The following FBXO24 variants were observed in gnomAD, a reference collection of about 807,000 sequenced individuals.
FBXO24 encodes the protein F-box only protein 24.
In FBXO24, 30 loss-of-function variants were observed where a neutral mutation model predicts 63.5. The ratio of observed to expected loss-of-function variants is 0.47; its 90% CI spans 0.35 to 0.64. The LOEUF is 0.64. Among genes scored for constraint, FBXO24 ranks in the 30% least tolerant of loss-of-function variants. The pLI is 0.00. For synonymous variants in FBXO24, 300 were observed against 305.0 expected, an observed-to-expected ratio of 0.98 and a Z score of 0.17; for missense variants, 624 against 763.4, an observed-to-expected ratio of 0.82 and a Z score of 2.15.
intron 4 of FBXO24, 164 bp downstream of exon 4, chr7:100,592,066 G>T: frequency 1.5e-6 from 1 of 651,744 alleles, no homozygotes; most frequent in Non-Finnish European, 2.6e-6. Context: ...TTCGAGACCA[G>T]CCTGGCCAAA....
rs368341067 is a variant in FBXO24, at chr7:100,600,237, G to A, written c.1377+36G>A. On this transcript the variant is annotated intron_variant, in intron 9 of 9. Coordinates refer to ENST00000241071, the MANE Select transcript of FBXO24 (RefSeq NM_033506.3). The surrounding 1 kb of genome is among the most constrained non-coding windows in gnomAD (Gnocchi z 6.3). Reference sequence around the variant, plus strand: ...GGTCAGGAGAGTGGGCACCCAGGGAGGATGAGAGCCATGAACCAGGAAGCC... The same window carrying A: ...GGTCAGGAGAGTGGGCACCCAGGGAAGATGAGAGCCATGAACCAGGAAGCC... 2.9e-5 allele frequency: 43 copies of A among 1,482,676 alleles called. No homozygotes were observed. The East Asian group carries it at 5.4e-4, about 19-fold the overall frequency. 91.8% of individuals were successfully genotyped at this position (1,482,676 alleles called of 1,614,324 possible).
intron 1 of FBXO24, among the ~76,000 whole-genome samples, chr7:100,588,907 C>T (rs947792976): frequency 1.3e-5 from 2 of 152,116 alleles, no homozygotes; most frequent in African/African-American, 4.8e-5. Context: ...CTCACTGCTG[C>T]CTCAAACTGG....
intron 1 of FBXO24, chr7:100,589,307 G>A (rs1297886206): frequency 1.1e-6 from 1 of 872,736 alleles, no homozygotes; most frequent in Non-Finnish European, 1.4e-6. Flanking sequence ...CTGCTGAAAT[G>A]TGAGGAATTC....
At chr7:100,595,055 G>A (rs1286195328) in intron 6 of FBXO24, 47 bp from the exon 7 acceptor site, 2 of 1,609,828 alleles carry the variant, frequency 1.2e-6, no homozygotes, top group Non-Finnish European at 1.7e-6. Flanking sequence ...TTATCCCTAG[G>A]AAATGGGTGC....
At chr7:100,589,490 C>T in intron 1 of FBXO24, 2 of 1,298,702 alleles carry the variant, frequency 1.5e-6, no homozygotes, top group Non-Finnish European at 2.0e-6. Flanking sequence ...CAGGAGCTGT[C>T]TAAGAGATGG....
At position 100,586,670 on chromosome 7, in the gene FBXO24, C is replaced by T. The variant is rs781682730; in HGVS notation, c.39+6C>T. 32 of 1,614,054 alleles carry T rather than the reference C, an allele frequency of 2.0e-5. No individual in the cohort carries two copies. Among genetic ancestry groups the T allele is most frequent in the Non-Finnish European group, 2.5e-5 (30 of 1,180,028 alleles). Reference sequence around the variant, plus strand: ...CTTTGCTAAGGAGGAGGCGGGTGAGCTAGAACTTTAAGACTGAGGTTAAGA... The same window carrying T: ...CTTTGCTAAGGAGGAGGCGGGTGAGTTAGAACTTTAAGACTGAGGTTAAGA... On this transcript the variant is annotated splice_donor_region_variant and intron_variant, in intron 1 of 9. Coordinates refer to ENST00000241071, the MANE Select transcript of FBXO24 (RefSeq NM_033506.3).
At chr7:100,588,479 A>AC (rs1584418446) in intron 1 of FBXO24, among the ~76,000 whole-genome samples, 1 of 152,134 alleles carries the variant, frequency 6.6e-6, no homozygotes, top group African/African-American at 2.4e-5. Context: ...TAGGCACCAT[A>AC]CATAAGGGAA....
rs553045415 is a variant in FBXO24, at chr7:100,588,209, C to T, written c.39+1545C>T. Among the ~76,000 whole-genome samples, 9 of 152,328 alleles carry T rather than the reference C, an allele frequency of 5.9e-5. No homozygotes were observed. The East Asian group carries it at 1.3e-3, about 23-fold the overall frequency. ...TGGACTTTTTCTATTCACAACCTCT[C>T]GTTTGCCTCCTGGGGTGAAATGGAG... On this transcript the variant is annotated intron_variant, in intron 1 of 9. Transcript: ENST00000241071.
chr7:100,598,729 C>T (rs1278012420), intron 8 of FBXO24, among the ~76,000 whole-genome samples: 3 of 152,190 alleles, frequency 2.0e-5, no homozygotes, highest in Admixed American at 1.3e-4. Flanking sequence ...GTAATCCTAG[C>T]ACTTTGGGAG....
intron 3 of FBXO24, 21 bp downstream of exon 3, chr7:100,590,378 C>T: frequency 1.3e-6 from 2 of 1,588,966 alleles, no homozygotes; most frequent in Non-Finnish European, 1.7e-6. Context: ...CCCAGAACCT[C>T]CCGTTCTCCT....
intron 8 of FBXO24, among the ~76,000 whole-genome samples, chr7:100,598,002 GGTGT>G (rs1396714748): frequency 1.3e-5 from 2 of 150,964 alleles, no homozygotes; most frequent in Non-Finnish European, 2.9e-5. Flanking sequence ...TGGGATTACA[GGTGT>G]GAGCCACCAC....
Position 100,600,883 on chromosome 7 carries a change from C to T in FBXO24, c.1727C>T (p.Pro576Leu), listed in dbSNP as rs141345308. The change falls in exon 10 of 10, where the codon CCA (proline) becomes CTA (leucine). Residue 576 changes from proline (P) to leucine (L), a missense_variant. Pro to Leu is a moderately conservative substitution (Grantham distance 98). Coordinates refer to ENST00000241071, the MANE Select transcript of FBXO24 (RefSeq NM_033506.3). This position sits in a 1 kb window ranked among gnomAD's most constrained non-coding sequence, Gnocchi z 6.3. The part of the protein sequence containing the change: ...AEGGGGGVGP[P>L]APET ...GGAGGCGGGGGTGGTGTAGGGCCCC[C>T]AGCCCCTGAGACCTAATCCCCCTCA... 1 of 1,612,906 alleles carries T rather than the reference C, an allele frequency of 6.2e-7. No homozygotes were observed. Among genetic ancestry groups the T allele is most frequent in the African/African-American group, 1.3e-5 (1 of 74,900 alleles).
intron 1 of FBXO24, 38 bp from the exon 2 acceptor site, chr7:100,589,939 G>T: frequency 1.9e-6 from 3 of 1,590,052 alleles, no homozygotes; most frequent in Non-Finnish European, 2.6e-6. Flanking sequence ...AAAGGATGTG[G>T]GACCCTCATG....
chr7:100,588,701 A>G (rs1186801120), intron 1 of FBXO24, among the ~76,000 whole-genome samples: 1 of 152,186 alleles, frequency 6.6e-6, no homozygotes, highest in African/African-American at 2.4e-5. Flanking sequence ...GACAAAGCTA[A>G]TATCAGAGAC....
In FBXO24 at chr7:100,600,497, A is replaced by G; in HGVS notation, c.1378-37A>G. On this transcript the variant is annotated intron_variant, in intron 9 of 9. Coordinates refer to ENST00000241071, the MANE Select transcript of FBXO24 (RefSeq NM_033506.3). The surrounding 1 kb of genome is among the most constrained non-coding windows in gnomAD (Gnocchi z 6.3). Reference sequence around the variant, plus strand: ...CCCTGGGAAACCCTGCAAGGAAAGCACCACTCAGCCATGCCCCCTTTCTCT... The same window carrying G: ...CCCTGGGAAACCCTGCAAGGAAAGCGCCACTCAGCCATGCCCCCTTTCTCT... The G allele has an allele frequency of 1.3e-6, 2 of 1,523,172 alleles. No individual in the cohort carries two copies. The highest frequency in any genetic ancestry group is 1.8e-6 in the Non-Finnish European group (2 of 1,136,900). The allele number at this position is 1,523,172 out of a possible 1,614,324, so 94.4% of individuals were successfully genotyped here.
At chr7:100,589,918 G>T (rs1044241812) in intron 1 of FBXO24, 59 bp from the exon 2 acceptor site, 2 of 1,574,310 alleles carry the variant, frequency 1.3e-6, no homozygotes, top group African/African-American at 2.7e-5. Context: ...GGTAGGCGGA[G>T]AGAAGGGAAA....
intron 1 of FBXO24, 61 bp downstream of exon 1, chr7:100,586,725 A>G: frequency 6.3e-7 from 1 of 1,591,624 alleles, no homozygotes; most frequent in Non-Finnish European, 8.6e-7. Flanking sequence ...CCGGCCGGGA[A>G]CGCAGTTCGC....
At position 100,591,827 on chromosome 7, in the gene FBXO24, C is replaced by A; in HGVS notation, c.483C>A (p.Ala161=). The A allele has an allele frequency of 6.2e-7, 1 of 1,614,224 alleles. No homozygotes were observed. The highest frequency in any genetic ancestry group is 1.1e-5 in the South Asian group (1 of 91,092). ...GGACCCTCTTCTTCCTCAAAAATGC[C>A]CTGGTCTCCACCCTCGGCCAGATGC... ...YVGTLFFLKN[A]LVSTLGQMQW... is the part of the protein sequence containing the mutation. Residue 161 remains alanine (A), a synonymous_variant, in exon 4 of 10, where the codon GCC becomes GCA. Transcript: ENST00000241071.
Position 100,594,236 on chromosome 7 carries a change from G to A in FBXO24, c.794-147G>A, listed in dbSNP as rs1802181054. The A allele has an allele frequency of 3.8e-6, 3 of 784,142 alleles. No homozygotes were observed. The highest frequency in any genetic ancestry group is 5.9e-6 in the Non-Finnish European group (3 of 507,486). 48.6% of individuals were successfully genotyped at this position (784,142 alleles called of 1,614,324 possible). ...TTATGGTGGGAACTGGAGTCTGGGG[G>A]ACTTGGGGTCACTCTTCCCTTATTT... On this transcript the variant is annotated intron_variant, in intron 5 of 9. Coordinates refer to ENST00000241071, the MANE Select transcript of FBXO24 (RefSeq NM_033506.3). This position sits in a 1 kb window ranked among gnomAD's most constrained non-coding sequence, Gnocchi z 4.2.
Sources: gnomAD v4.1 joint callset for allele counts (sites outside exome capture counted in the v4.1 genomes callset) on GRCh38, gnomAD v4.1.1 for gene constraint, Gnocchi (gnomAD v3.1) non-coding constraint, MANE v1.5 for transcripts, NCBI Gene and HGNC (gene_info 2026-07-23, HGNC 2026-07-21) for gene names.